MAML2: variants seen among roughly 807,000 people sequenced by gnomAD.
The protein encoded by MAML2 is mastermind like transcriptional coactivator 2.
In MAML2, 22 loss-of-function variants were observed where a neutral mutation model predicts 96.1. The observed-to-expected ratio is 0.23, with a 90% CI of 0.16 to 0.33. The LOEUF is 0.33. Ranked by LOEUF, MAML2 falls within the 10% of genes least tolerant of loss-of-function variation. The pLI is 1.00. For synonymous variants in MAML2, 561 were observed against 521.3 expected (o/e 1.08, Z -1.04); for missense variants, 1,367 against 1,392.4 (o/e 0.98, Z 0.29).
chr11:96,042,490 C>A (rs1010432498), intron 2 of MAML2, among the ~76,000 whole-genome samples: 2 of 151,992 alleles, frequency 1.3e-5, no homozygotes, highest in South Asian at 2.1e-4. Context: ...TCAGAGCCAC[C>A]CTTCTCAAAC....
At chr11:96,269,692 A>G (rs1399378024) in intron 1 of MAML2, among the ~76,000 whole-genome samples, 2 of 143,222 alleles carry the variant, frequency 1.4e-5, no homozygotes, top group African/African-American at 5.4e-5. Flanking sequence ...TGTATTTTTT[A>G]TAGAGATGGG....
chr11:96,133,025 C>T (rs999925651), intron 1 of MAML2, among the ~76,000 whole-genome samples: 1 of 152,188 alleles, frequency 6.6e-6, no homozygotes, highest in East Asian at 1.9e-4. Flanking sequence ...TGTTACATCT[C>T]ATTCAATAAT....
At position 96,207,707 on chromosome 11, in the gene MAML2, G is replaced by A. The variant is rs186702035; in HGVS notation, c.514-114190C>T. ...TTGTCCAGGCAGTATATGCATGGCT[G>A]TGAGTAAACCAGTGATGATTACAAA... On this transcript the variant is annotated intron_variant, in intron 1 of 4. Transcript: ENST00000524717. 5.3e-5 allele frequency among the ~76,000 whole-genome samples: 8 copies of A among 152,358 alleles called. No homozygotes were observed. In the East Asian group the frequency reaches 1.3e-3, roughly 26 times the overall value.
chr11:96,318,264 G>A (rs1050953115), intron 1 of MAML2, among the ~76,000 whole-genome samples: 1 of 152,212 alleles, frequency 6.6e-6, no homozygotes, highest in African/African-American at 2.4e-5. Flanking sequence ...GAGATGAGAT[G>A]ACAAAACTGA....
intron 2 of MAML2, among the ~76,000 whole-genome samples, chr11:96,068,564 A>T (rs560177269): frequency 1.3e-5 from 2 of 152,092 alleles, no homozygotes; most frequent in Non-Finnish European, 2.9e-5. Flanking sequence ...GGCATTTTTT[A>T]AAAGTACGTA....
chr11:96,022,036 G>T (rs1399834844), intron 2 of MAML2, among the ~76,000 whole-genome samples: 1 of 152,178 alleles, frequency 6.6e-6, no homozygotes, highest in East Asian at 1.9e-4. Context: ...CTAAGCTGGG[G>T]TCTCTGTAGG....
intron 1 of MAML2, among the ~76,000 whole-genome samples, chr11:96,285,287 T>C (rs560986351): frequency 5.3e-5 from 8 of 152,136 alleles, no homozygotes; most frequent in African/African-American, 1.9e-4. Flanking sequence ...GTGCAGAAAA[T>C]TGAAACTGGA....
intron 1 of MAML2, among the ~76,000 whole-genome samples, chr11:96,340,726 CGAGATGTGGCTCAG>C (rs563831642): frequency 1.7e-4 from 26 of 152,180 alleles, no homozygotes; most frequent in Admixed American, 4.6e-4. Flanking sequence ...GGAAAATAAT[CGAGATGTGGCTCAG>C]GAGTGAGAGA....
chr11:96,003,070 G>A (rs72969713), intron 2 of MAML2, among the ~76,000 whole-genome samples: 31,362 of 145,306 alleles, frequency 0.22, 2,857 homozygotes, highest in East Asian at 0.34. Flanking sequence ...TGATGATGGG[G>A]ATGATGAGGA....
At chr11:96,159,404 A>AT (rs1157893034) in intron 1 of MAML2, among the ~76,000 whole-genome samples, 2,503 of 61,888 alleles carry the variant, frequency 0.04, 415 homozygotes, top group Middle Eastern at 0.078. Context: ...TAAACCACTG[A>AT]TTCTTTTTTT....
chr11:96,248,026 G>T (rs1862533354), intron 1 of MAML2, among the ~76,000 whole-genome samples: 1 of 151,592 alleles, frequency 6.6e-6, no homozygotes, highest in Non-Finnish European at 1.5e-5. Flanking sequence ...TCCCATTAAT[G>T]GTTTTATATT....
intron 1 of MAML2, among the ~76,000 whole-genome samples, chr11:96,173,180 A>G (rs1053088648): frequency 2.0e-5 from 3 of 152,220 alleles, no homozygotes; most frequent in Admixed American, 1.3e-4. Context: ...CTTGGACACA[A>G]GACTACAGCT....
chr11:96,319,192 A>T lies in MAML2; in HGVS notation c.513+22191T>A, dbSNP rs368188238. On this transcript the variant is annotated intron_variant, in intron 1 of 4. Transcript: ENST00000524717. ...GGCCTCCGGTCAACAGCCAGTGAGG[A>T]ATTGAGATTTTCTCCCAACAGCCAT... Among the ~76,000 whole-genome samples, 23 of 152,292 alleles carry T rather than the reference A, an allele frequency of 1.5e-4. No individual in the cohort carries two copies. In the East Asian group the frequency reaches 2.7e-3, roughly 18 times the overall value.
chr11:96,202,875 G>A (rs149496983), intron 1 of MAML2, among the ~76,000 whole-genome samples: 11 of 152,150 alleles, frequency 7.2e-5, no homozygotes, highest in Non-Finnish European at 1.0e-4. Context: ...TGATCTATCC[G>A]CCTCGGCCTC....
At chr11:96,245,551 T>C (rs909684143) in intron 1 of MAML2, among the ~76,000 whole-genome samples, 2 of 152,168 alleles carry the variant, frequency 1.3e-5, no homozygotes, top group African/African-American at 4.8e-5. Flanking sequence ...TATATAAACT[T>C]CTGCTTTGGT....
At chr11:96,104,390 G>A (rs1859987899) in intron 1 of MAML2, among the ~76,000 whole-genome samples, 1 of 152,196 alleles carries the variant, frequency 6.6e-6, no homozygotes, top group African/African-American at 2.4e-5. Flanking sequence ...TTGCTCATAT[G>A]TCTGTGCCAA....
At chr11:96,220,785 C>T (rs1011153584) in intron 1 of MAML2, among the ~76,000 whole-genome samples, 4 of 151,904 alleles carry the variant, frequency 2.6e-5, no homozygotes, top group Non-Finnish European at 5.9e-5. Flanking sequence ...CCTCTGAAAC[C>T]TCTACTGGAT....
intron 1 of MAML2, among the ~76,000 whole-genome samples, chr11:96,181,749 A>C (rs1861489848): frequency 6.8e-6 from 1 of 147,756 alleles, no homozygotes; most frequent in South Asian, 2.2e-4. Flanking sequence ...CCAAACTGAA[A>C]AGATACTGAG....
At chr11:96,277,966 T>A (rs1863013330) in intron 1 of MAML2, among the ~76,000 whole-genome samples, 1 of 150,626 alleles carries the variant, frequency 6.6e-6, no homozygotes, top group Non-Finnish European at 1.5e-5. Flanking sequence ...TCAAGCTAGA[T>A]ACACAACAGA....
Sources: gnomAD v4.1 joint callset for allele counts (sites outside exome capture counted in the v4.1 genomes callset) on GRCh38, gnomAD v4.1.1 for gene constraint, MANE v1.5 for transcripts, NCBI Gene and HGNC (gene_info 2026-07-23, HGNC 2026-07-21) for gene names.